Variants in MAP2K3 observed in about 807,000 individuals in gnomAD.
MAP2K3 encodes mitogen-activated protein kinase kinase 3.
MAP2K3 carries 30 observed loss-of-function variants against 46.4 expected under a neutral mutation model. The observed-to-expected ratio is 0.65, with a 90% CI of 0.48 to 0.88. The LOEUF is 0.88. Among genes scored for constraint, MAP2K3 ranks in the 40% least tolerant of loss-of-function variants. The pLI is 0.00. For missense variants in MAP2K3, 380 were observed against 464.5 expected, an observed-to-expected ratio of 0.82 and a Z score of 1.67; for synonymous variants, 189 against 176.3, an observed-to-expected ratio of 1.07 and a Z score of -0.57.
chr17:21,298,306 T>C, intron 1 of MAP2K3, 107 bp from the exon 2 acceptor site: 3 of 1,496,580 alleles, frequency 2.0e-6, no homozygotes, highest in East Asian at 2.3e-5. Flanking sequence ...GCATGGGTGA[T>C]GGCAGAGGCT....
chr17:21,290,791 A>C (rs1373510662), intron 1 of MAP2K3, among the ~76,000 whole-genome samples: 340 of 152,272 alleles, frequency 2.2e-3, no homozygotes, highest in African/African-American at 7.7e-3. Flanking sequence ...CTCTACAAAA[A>C]ACATAAAAGA....
chr17:21,296,949 T>C (rs1976288919), intron 1 of MAP2K3, among the ~76,000 whole-genome samples: 1 of 152,428 alleles, frequency 6.6e-6, no homozygotes, highest in East Asian at 1.9e-4. Flanking sequence ...ACGCTGTTGT[T>C]TCCTGAAGCC....
Position 21,303,185 on chromosome 17 carries a change from C to A in MAP2K3, c.519C>A (p.Ile173=). The A allele has an allele frequency of 6.2e-7, 1 of 1,614,222 alleles. No homozygotes were observed. The highest frequency in any genetic ancestry group is 8.5e-7 in the Non-Finnish European group (1 of 1,180,026). The stretch of plus-strand genomic sequence containing the variant: ...CCTCCTCCCCACCCCACCGCCAGAT[C>A]GTGCGGGCCCTGGAGCATCTGCACA... ...EDILGEIAVS[I]VRALEHLHSK... Residue 173 remains isoleucine, a splice_region_variant and synonymous_variant, in exon 7 of 12, where the codon ATC becomes ATA. Transcript: ENST00000342679.
At chr17:21,301,141 G>C (rs1383490050) in intron 5 of MAP2K3, 148 bp downstream of exon 5, 2 of 1,371,202 alleles carry the variant, frequency 1.5e-6, no homozygotes, top group Non-Finnish European at 2.0e-6. Flanking sequence ...GGCTGTTACT[G>C]TCCTGCTCAG....
rs545904964 is a variant in MAP2K3 at position 21,295,504 on chromosome 17, C to G, written c.50-2909C>G. The G allele has an allele frequency of 1.4e-4, 126 of 932,868 alleles. No individual in the cohort carries two copies. In the African/African-American group the frequency reaches 2.2e-3, roughly 16 times the overall value. The allele number at this position is 932,868 out of a possible 1,614,324, so 57.8% of individuals were successfully genotyped here. On this transcript the variant is annotated intron_variant, in intron 1 of 11. Transcript: ENST00000342679. ...GTGATGGTTGCCACAACGGCTGCAC[C>G]TGGGCAGCCCTGGGCTGCCTGGCCA...
At position 21,312,185 on chromosome 17, in the gene MAP2K3, C is replaced by T. The variant is rs754414832; in HGVS notation, c.818C>T (p.Thr273Ile). The T allele has an allele frequency of 6.3e-7, 1 of 1,594,272 alleles. No individual in the cohort carries two copies. Among genetic ancestry groups the T allele is most frequent in the African/African-American group, 1.4e-5 (1 of 73,406 alleles). Residue 273 changes from threonine to isoleucine, a missense_variant, in exon 10 of 12, where the codon ACC (threonine) becomes ATC (isoleucine). Coordinates refer to ENST00000342679, the MANE Select transcript of MAP2K3 (RefSeq NM_145109.3). ...CGGTTCCCTTACGAGTCCTGGGGGA[C>T]CCCGTTCCAGCAGCTGAAGCAGGTG... ...ILRFPYESWG[T>I]PFQQLKQVVE... is the part of the protein sequence containing the mutation.
chr17:21,314,177 A>G lies in MAP2K3; in HGVS notation c.991A>G (p.Lys331Glu). 2 of 1,614,014 alleles carry G rather than the reference A, an allele frequency of 1.2e-6. No individual in the cohort carries two copies. Among genetic ancestry groups the G allele is most frequent in the South Asian group, 1.1e-5 (1 of 91,076 alleles). ...EHPFFTLHKT[K>E]KTDIAAFVKE... ...CCCCTTCTTCACCTTGCACAAAACC[A>G]AGAAGACGGACATTGCTGCCTTCGT... The change falls in exon 12 of 12, where the codon AAG (lysine) becomes GAG (glutamate). Residue 331 changes from lysine to glutamate, a missense_variant. Coordinates refer to ENST00000342679, the MANE Select transcript of MAP2K3 (RefSeq NM_145109.3).
chr17:21,298,379 A>T lies in MAP2K3; in HGVS notation c.50-34A>T, dbSNP rs779440830. On this transcript the variant is annotated intron_variant, in intron 1 of 11. Coordinates refer to ENST00000342679, the MANE Select transcript of MAP2K3 (RefSeq NM_145109.3). ...GTGCAGGGGACATTGATGTCAAGGG[A>T]TAGGCCAGACGCCTCACCTTCTCTC... is the stretch of plus-strand genomic sequence containing the variant. 1.9e-6 allele frequency: 3 copies of T among 1,614,142 alleles called. No homozygotes were observed. In the Admixed American group the frequency reaches 5.0e-5, roughly 27 times the overall value.
intron 1 of MAP2K3, chr17:21,291,379 G>A (rs1321171510): frequency 5.8e-5 from 14 of 243,470 alleles, no homozygotes; most frequent in Admixed American, 2.7e-4. Context: ...AACACAACAC[G>A]TAGTGATAAC....
At chr17:21,285,229 C>T in intron 1 of MAP2K3, 1 of 985,190 alleles carries the variant, frequency 1.0e-6, no homozygotes, top group Non-Finnish European at 1.2e-6. Flanking sequence ...GTTCTGCTCA[C>T]CCCATCCAAG....
intron 9 of MAP2K3, among the ~76,000 whole-genome samples, chr17:21,308,873 T>C (rs1440105693): frequency 2.6e-5 from 4 of 152,260 alleles, no homozygotes; most frequent in African/African-American, 9.6e-5. Context: ...GGCCTTCTGA[T>C]ATGGCTGGTG....
chr17:21,303,889 C>G (rs1311651175), intron 7 of MAP2K3, among the ~76,000 whole-genome samples: 1 of 152,308 alleles, frequency 6.6e-6, no homozygotes, highest in Non-Finnish European at 1.5e-5. Flanking sequence ...CCTTCTGGTC[C>G]TTTTTATGTG....
intron 9 of MAP2K3, among the ~76,000 whole-genome samples, chr17:21,306,838 T>C (rs1339054415): frequency 2.6e-5 from 4 of 152,282 alleles, no homozygotes; most frequent in African/African-American, 9.6e-5. Flanking sequence ...CAGGCTGGAG[T>C]GCAGTGGTAT....
Position 21,300,571 on chromosome 17 carries a change from G to A in MAP2K3, c.192G>A (p.Leu64=), listed in dbSNP as rs1189121000. The change falls in exon 4 of 12, where the codon TTG becomes TTA. Residue 64 remains leucine (L), a synonymous_variant. Coordinates refer to ENST00000342679, the MANE Select transcript of MAP2K3 (RefSeq NM_145109.3). ...DRNFEVEADD[L]VTISELGRGA... ...ACTTTGAGGTGGAGGCTGATGACTT[G>A]GTGACCATCTCAGAACTGGGCCGTG... 55 of 1,612,496 alleles carry A rather than the reference G, an allele frequency of 3.4e-5. No individual in the cohort carries two copies. Among genetic ancestry groups the A allele is most frequent in the Non-Finnish European group, 4.6e-5 (54 of 1,179,398 alleles).
intron 1 of MAP2K3, chr17:21,291,353 C>CAACACAACACAACACAACAT (rs1186380304): frequency 4.9e-6 from 2 of 407,680 alleles, no homozygotes; most frequent in Non-Finnish European, 9.9e-6. Context: ...CAATACAACA[C>CAACACAACACAACACAACAT]AACACAACAC....
intron 1 of MAP2K3, chr17:21,295,491 A>T: frequency 4.6e-6 from 4 of 868,802 alleles, no homozygotes; most frequent in Non-Finnish European, 5.5e-6. Context: ...GATGGTTGCC[A>T]CAACGGCTGC....
chr17:21,284,802 CGCCGCTGCT>C lies in MAP2K3; in HGVS notation c.-118_-110del. The C allele has an allele frequency of 8.4e-7, 1 of 1,189,600 alleles. No individual in the cohort carries two copies. Among genetic ancestry groups the C allele is most frequent in the Non-Finnish European group, 1.1e-6 (1 of 884,650 alleles). 73.7% of individuals were successfully genotyped at this position (1,189,600 alleles called of 1,614,324 possible). Reference sequence around the variant, plus strand: ...CAGTCGCCGCCGCCGCCGCCGCCGCCGCCGCTGCTCCTCCGCCTGGCCTGGGCCGTCTGC... The same window carrying C: ...CAGTCGCCGCCGCCGCCGCCGCCGCCCCTCCGCCTGGCCTGGGCCGTCTGC... On this transcript the variant is annotated 5_prime_UTR_variant, in exon 1 of 12. Transcript: ENST00000342679.
chr17:21,313,520 A>C lies in MAP2K3; in HGVS notation c.943A>C (p.Ser315Arg), dbSNP rs1977262860. The C allele has an allele frequency of 6.2e-7, 1 of 1,602,326 alleles. No homozygotes were observed. Among genetic ancestry groups the C allele is most frequent in the Admixed American group, 1.7e-5 (1 of 59,544 alleles). ...CLRKNPAERM[S>R]YLELMEHPFF... is the part of the protein sequence containing the mutation. ...GAGGAAGAACCCCGCAGAGCGTATG[A>C]GCTACCTGGAGCTGATGGTGAGTAT... Residue 315 changes from serine (S) to arginine (R), a missense_variant, in exon 11 of 12, where the codon AGC becomes CGC. Ser to Arg is a moderately radical substitution (Grantham distance 110). Transcript: ENST00000342679.
chr17:21,306,211 C>G (rs929349301), intron 9 of MAP2K3, among the ~76,000 whole-genome samples: 7 of 152,256 alleles, frequency 4.6e-5, no homozygotes, highest in Non-Finnish European at 7.3e-5. Flanking sequence ...AGTAGCGGGT[C>G]TCCCATACTA....
Sources: allele counts gnomAD v4.1 joint callset (sites outside exome capture counted in the v4.1 genomes callset), GRCh38; gene constraint gnomAD v4.1.1; transcripts MANE v1.5; gene names NCBI Gene and HGNC (gene_info 2026-07-23, HGNC 2026-07-21).